GFOD1: variants seen among roughly 807,000 people sequenced by gnomAD.
GFOD1 encodes glucose-fructose oxidoreductase domain-containing protein 1.
Under a neutral mutation model 25.4 loss-of-function variants are expected in GFOD1, and 9 were observed. The ratio of observed to expected loss-of-function variants is 0.35; its 90% CI spans 0.21 to 0.62. The LOEUF (loss-of-function observed/expected upper bound fraction) is 0.62, where lower values mean the gene tolerates loss of function less well. Among genes scored for constraint, GFOD1 ranks in the 20% least tolerant of loss-of-function variants. The pLI is 0.72. For missense variants in GFOD1, 403 were observed against 556.9 expected, an observed-to-expected ratio of 0.72 and a Z score of 2.78; for synonymous variants, 253 against 245.6, an observed-to-expected ratio of 1.03 and a Z score of -0.28.
intron 1 of GFOD1, among the ~76,000 whole-genome samples, chr6:13,374,728 C>CTTTTTT (rs147560408): frequency 1.6e-4 from 11 of 66,800 alleles, no homozygotes; most frequent in Non-Finnish European, 3.0e-4. Flanking sequence ...CATCTCAAAT[C>CTTTTTT]TTTTTTTTTT....
At chr6:13,453,719 A>G (rs1370692794) in intron 1 of GFOD1, among the ~76,000 whole-genome samples, 2 of 152,238 alleles carry the variant, frequency 1.3e-5, no homozygotes, top group Admixed American at 6.5e-5. Context: ...TGTGTATTAA[A>G]TTATAACCTG....
chr6:13,381,993 C>T (rs1584616135), intron 1 of GFOD1, among the ~76,000 whole-genome samples: 1 of 151,526 alleles, frequency 6.6e-6, no homozygotes, highest in South Asian at 2.1e-4. Context: ...CAAGTACCTG[C>T]GAAGTGCTTT....
chr6:13,452,431 T>G lies in GFOD1; in HGVS notation c.253+34207A>C, dbSNP rs141766916. On this transcript the variant is annotated intron_variant, in intron 1 of 1. Transcript: ENST00000379287. ...GCTGTTATAACAAAACACCATAAAC[T>G]GGGTGGTTTATGAACAACAGGCAGT... Among the ~76,000 whole-genome samples the G allele has an allele frequency of 4.2e-3, 643 of 152,232 alleles. 4 individuals are homozygous for G. The highest frequency in any genetic ancestry group is 0.015 in the African/African-American group (626 of 41,542).
chr6:13,486,432 G>C (rs1354362869), intron 1 of GFOD1: 1 of 614,244 alleles, frequency 1.6e-6, no homozygotes, highest in African/African-American at 1.8e-5. Flanking sequence ...GTGGTGCCAG[G>C]AGGCAGGAGG....
chr6:13,365,110 C>A lies in GFOD1; in HGVS notation c.806G>T (p.Arg269Leu), dbSNP rs1268823826. 6.2e-7 allele frequency: 1 copy of A among 1,612,726 alleles called. No individual in the cohort carries two copies. Among genetic ancestry groups the A allele is most frequent in the Non-Finnish European group, 8.5e-7 (1 of 1,179,768 alleles). ...LAVGTDLYGQ[R>L]NSAPEQELLV... ...CAGCTCCTGCTCCGGGGCGCTGTTG[C>A]GCTGCCCGTACAGGTCGGTGCCCAC... Residue 269 changes from arginine to leucine, a missense_variant, in exon 2 of 2, where the codon CGC becomes CTC. Transcript: ENST00000379287. This position sits in a 1 kb window ranked among gnomAD's most constrained non-coding sequence, Gnocchi z 9.2.
At chr6:13,451,316 A>T (rs1758094150) in intron 1 of GFOD1, among the ~76,000 whole-genome samples, 1 of 152,154 alleles carries the variant, frequency 6.6e-6, no homozygotes, top group South Asian at 2.1e-4. Flanking sequence ...GCCCTCATCC[A>T]TGACCCACAG....
intron 1 of GFOD1, among the ~76,000 whole-genome samples, chr6:13,386,878 C>T (rs1785486025): frequency 1.3e-5 from 2 of 152,102 alleles, no homozygotes; most frequent in Admixed American, 1.3e-4. Context: ...AAGATTGTGC[C>T]ATGCATTAAA....
At chr6:13,429,402 C>T (rs1184729066) in intron 1 of GFOD1, among the ~76,000 whole-genome samples, 6 of 152,238 alleles carry the variant, frequency 3.9e-5, no homozygotes, top group Non-Finnish European at 8.8e-5. Flanking sequence ...GAACGACAAA[C>T]TATTGAATGC....
intron 1 of GFOD1, among the ~76,000 whole-genome samples, chr6:13,408,812 T>A (rs570749841): frequency 6.6e-6 from 1 of 152,130 alleles, no homozygotes; most frequent in South Asian, 2.1e-4. Context: ...CAGGCCAGTG[T>A]GGTGGCTCAC....
At chr6:13,437,085 A>T (rs1757845617) in intron 1 of GFOD1, among the ~76,000 whole-genome samples, 1 of 152,166 alleles carries the variant, frequency 6.6e-6, no homozygotes, top group Non-Finnish European at 1.5e-5. Flanking sequence ...GTAAGGTATG[A>T]GAAAAAGGGA....
intron 1 of GFOD1, among the ~76,000 whole-genome samples, chr6:13,475,264 T>C (rs1758592799): frequency 6.6e-6 from 1 of 152,160 alleles, no homozygotes; most frequent in Non-Finnish European, 1.5e-5. Context: ...ATACCAACTA[T>C]AATGGCTATG....
chr6:13,477,106 A>C (rs559190403), intron 1 of GFOD1, among the ~76,000 whole-genome samples: 75 of 152,242 alleles, frequency 4.9e-4, no homozygotes, highest in African/African-American at 1.7e-3. Flanking sequence ...CAGTTTCTCC[A>C]CCGACGCGTC....
At chr6:13,384,800 C>A (rs1367471272) in intron 1 of GFOD1, among the ~76,000 whole-genome samples, 1 of 152,128 alleles carries the variant, frequency 6.6e-6, no homozygotes, top group Non-Finnish European at 1.5e-5. Context: ...TAATCAATTG[C>A]CTCTTAAAGG....
intron 1 of GFOD1, among the ~76,000 whole-genome samples, chr6:13,421,116 T>C (rs1786249083): frequency 6.6e-6 from 1 of 152,162 alleles, no homozygotes; most frequent in Admixed American, 6.5e-5. Flanking sequence ...AAAGAGAGTA[T>C]GGTACATTTA....
intron 1 of GFOD1, among the ~76,000 whole-genome samples, chr6:13,405,582 C>T (rs1377102966): frequency 6.6e-6 from 1 of 152,016 alleles, no homozygotes; most frequent in Non-Finnish European, 1.5e-5. Flanking sequence ...CAATATGAGG[C>T]CTTGAAAGAA....
chr6:13,467,366 C>A (rs1054840855), intron 1 of GFOD1, among the ~76,000 whole-genome samples: 1 of 152,140 alleles, frequency 6.6e-6, no homozygotes, highest in African/African-American at 2.4e-5. Context: ...CAAGGTCACA[C>A]CGCTAATTAG....
In GFOD1 at chr6:13,448,910, G is replaced by A. The variant is rs542769394; in HGVS notation, c.253+37728C>T. 5.9e-5 allele frequency among the ~76,000 whole-genome samples: 9 copies of A among 152,286 alleles called. No homozygotes were observed. The South Asian group carries it at 1.4e-3, about 25-fold the overall frequency. On this transcript the variant is annotated intron_variant, in intron 1 of 1. Transcript: ENST00000379287. The stretch of plus-strand genomic sequence containing the variant: ...CTCTAAAACAGGGGCTAATTTTAAC[G>A]CTGGAATACAGAGAGGTGGAATGAC...
Position 13,486,622 on chromosome 6 carries a change from G to T in GFOD1, c.253+16C>A. On this transcript the variant is annotated intron_variant, in intron 1 of 1. Transcript: ENST00000379287. Reference sequence around the variant, plus strand: ...GGCGGGGGTGGGACGGAGGATGCGGGGTAGGGGTCGCTCACCTAGGGTTTT... The same window carrying T: ...GGCGGGGGTGGGACGGAGGATGCGGTGTAGGGGTCGCTCACCTAGGGTTTT... 1 of 1,611,734 alleles carries T rather than the reference G, an allele frequency of 6.2e-7. No homozygotes were observed. Among genetic ancestry groups the T allele is most frequent in the South Asian group, 1.1e-5 (1 of 90,996 alleles).
chr6:13,451,190 C>T (rs555923916), intron 1 of GFOD1, among the ~76,000 whole-genome samples: 3 of 152,304 alleles, frequency 2.0e-5, no homozygotes, highest in East Asian at 1.9e-4. Flanking sequence ...ACAGATGTGG[C>T]GAGGTTTAGT....
Sources: gnomAD v4.1 joint callset for allele counts (sites outside exome capture counted in the v4.1 genomes callset) on GRCh38, gnomAD v4.1.1 for gene constraint, Gnocchi (gnomAD v3.1) non-coding constraint, MANE v1.5 for transcripts, NCBI Gene and HGNC (gene_info 2026-07-23, HGNC 2026-07-21) for gene names.